RBFOX1: variants seen among roughly 807,000 people sequenced by gnomAD.
The protein encoded by RBFOX1 is RNA binding protein fox-1 homolog 1.
In RBFOX1, 8 loss-of-function variants were observed where a neutral mutation model predicts 57.7. The observed-to-expected ratio is 0.14, with a 90% CI of 0.08 to 0.25. The LOEUF (loss-of-function observed/expected upper bound fraction) is 0.25. Among genes scored for constraint, RBFOX1 ranks in the 10% least tolerant of loss-of-function variants. The pLI is 1.00. For missense variants in RBFOX1, 611 were observed against 548.5 expected (o/e 1.11, Z -1.14); for synonymous variants, 326 against 222.4 (o/e 1.47, Z -4.15).
chr16:7,487,180 G>A (rs2065634910), intron 4 of RBFOX1, among the ~76,000 whole-genome samples: 2 of 152,176 alleles, frequency 1.3e-5, no homozygotes, highest in African/African-American at 2.4e-5. Context: ...GATTACACGT[G>A]TGAGCCACTG....
chr16:6,327,368 A>C (rs2082493959), intron 2 of RBFOX1, among the ~76,000 whole-genome samples: 1 of 152,166 alleles, frequency 6.6e-6, no homozygotes, highest in Non-Finnish European at 1.5e-5. Context: ...ACTAGAGTTA[A>C]TTACTTAGCA....
chr16:6,988,731 A>ATTTTTT (rs111959126), intron 3 of RBFOX1, among the ~76,000 whole-genome samples: 2 of 91,292 alleles, frequency 2.2e-5, no homozygotes, highest in African/African-American at 1.1e-4. Flanking sequence ...CACCCAGCTA[A>ATTTTTT]TTTTTTTTTT....
intron 3 of RBFOX1, among the ~76,000 whole-genome samples, chr16:6,859,390 C>A (rs963213643): frequency 6.6e-6 from 1 of 151,402 alleles, no homozygotes; most frequent in African/African-American, 2.4e-5. Context: ...ACGCTTTTGC[C>A]CATACTTGGC....
At chr16:5,361,748 T>C (rs2065558127) in intron 1 of RBFOX1, among the ~76,000 whole-genome samples, 1 of 152,238 alleles carries the variant, frequency 6.6e-6, no homozygotes, top group African/African-American at 2.4e-5. Context: ...TGCCAAGTTG[T>C]ATTCTTGCTC....
intron 14 of RBFOX1, among the ~76,000 whole-genome samples, chr16:7,684,569 CAT>C (rs1209070165): frequency 6.6e-6 from 1 of 151,594 alleles, no homozygotes; most frequent in East Asian, 1.9e-4. Flanking sequence ...ATATGCCACA[CAT>C]ATGATAAGCT....
At chr16:6,013,525 A>G (rs972569970) in intron 4 of RBFOX1, among the ~76,000 whole-genome samples, 1 of 152,142 alleles carries the variant, frequency 6.6e-6, no homozygotes, top group Non-Finnish European at 1.5e-5. Context: ...GATGAGTCCT[A>G]GTAAACAAAA....
At chr16:7,182,828 T>A (rs1380586162) in intron 4 of RBFOX1, among the ~76,000 whole-genome samples, 5 of 152,140 alleles carry the variant, frequency 3.3e-5, no homozygotes, top group Admixed American at 3.3e-4. Context: ...ATCTCCACAT[T>A]CCTGAGTTTT....
rs774968392 is a variant in RBFOX1, at chr16:6,541,516, G to A, written c.-63-113087G>A. On this transcript the variant is annotated intron_variant, in intron 2 of 15. Coordinates refer to ENST00000550418, the MANE Select transcript of RBFOX1 (RefSeq NM_018723.4). ...GACAACAGTGTCACATCAGGGTGAC[G>A]TAGTAGTACCTGAGATAGGGCATAG... 5.3e-5 allele frequency among the ~76,000 whole-genome samples: 8 copies of A among 152,326 alleles called. 1 individual carries two copies. Among genetic ancestry groups the A allele is most frequent in the Admixed American group, 6.5e-5 (1 of 15,302 alleles).
chr16:5,393,030 G>A (rs538899529), intron 1 of RBFOX1, among the ~76,000 whole-genome samples: 14 of 152,236 alleles, frequency 9.2e-5, no homozygotes, highest in Admixed American at 7.8e-4. Flanking sequence ...TTGAGAAGAG[G>A]TGGCTAAAAG....
At chr16:7,307,192 C>G (rs1227851405) in intron 4 of RBFOX1, among the ~76,000 whole-genome samples, 1 of 152,140 alleles carries the variant, frequency 6.6e-6, no homozygotes, top group African/African-American at 2.4e-5. Context: ...TCCACAAACT[C>G]TGACCACCGG....
rs573533222 is a variant in RBFOX1, at chr16:7,450,772, A to C, written c.28-67375A>C. The stretch of plus-strand genomic sequence containing the variant: ...GAGTGGGTGTTGAGGAGGAGGAACC[A>C]GTGACCCCAGTAGACATTGAAGAGG... On this transcript the variant is annotated intron_variant, in intron 4 of 15. Coordinates refer to ENST00000550418, the MANE Select transcript of RBFOX1 (RefSeq NM_018723.4). Among the ~76,000 whole-genome samples the C allele has an allele frequency of 2.0e-5, 3 of 152,284 alleles. No individual in the cohort carries two copies. The East Asian group carries it at 5.8e-4, about 29-fold the overall frequency.
intron 2 of RBFOX1, among the ~76,000 whole-genome samples, chr16:5,487,424 C>G (rs1263342973): frequency 1.3e-5 from 2 of 152,172 alleles, no homozygotes; most frequent in East Asian, 1.9e-4. Flanking sequence ...CTTGCAGAAG[C>G]TGACAGCACG....
chr16:7,371,734 G>A (rs999199666), intron 4 of RBFOX1, among the ~76,000 whole-genome samples: 6 of 152,078 alleles, frequency 3.9e-5, no homozygotes, highest in African/African-American at 1.4e-4. Flanking sequence ...TGGGCGACAA[G>A]AGCAAAACTC....
intron 4 of RBFOX1, among the ~76,000 whole-genome samples, chr16:5,972,083 A>T (rs188228881): frequency 3.9e-5 from 6 of 152,294 alleles, no homozygotes; most frequent in African/African-American, 1.4e-4. Flanking sequence ...TCAGACTGAA[A>T]CACCACCATT....
At chr16:5,657,897 AATTTTTGT>A (rs1264452835) in intron 3 of RBFOX1, among the ~76,000 whole-genome samples, 1 of 151,508 alleles carries the variant, frequency 6.6e-6, no homozygotes, top group Non-Finnish European at 1.5e-5. Flanking sequence ...ACGCCAGGCT[AATTTTTGT>A]ATTTTTAGTA....
At chr16:6,741,158 C>G (rs1029987994) in intron 3 of RBFOX1, among the ~76,000 whole-genome samples, 1 of 152,032 alleles carries the variant, frequency 6.6e-6, no homozygotes, top group African/African-American at 2.4e-5. Context: ...GAACAATTGG[C>G]TATTTATAGG....
intron 2 of RBFOX1, among the ~76,000 whole-genome samples, chr16:6,346,622 C>T (rs540260600): frequency 6.6e-6 from 1 of 152,320 alleles, no homozygotes; most frequent in East Asian, 1.9e-4. Context: ...CGATGGCAGC[C>T]TGATTCTCGA....
chr16:6,391,951 A>G (rs1430723028), intron 2 of RBFOX1, among the ~76,000 whole-genome samples: 2 of 152,208 alleles, frequency 1.3e-5, no homozygotes, highest in Admixed American at 6.5e-5. Flanking sequence ...AGAGAAAGTC[A>G]GGGAAGATTG....
chr16:6,845,337 T>G (rs906310761), intron 3 of RBFOX1, among the ~76,000 whole-genome samples: 3 of 152,090 alleles, frequency 2.0e-5, no homozygotes, highest in African/African-American at 7.2e-5. Context: ...TCTTTAATCT[T>G]TCTTGAGTTA....
Sources: allele counts gnomAD v4.1 joint callset (sites outside exome capture counted in the v4.1 genomes callset), GRCh38; gene constraint gnomAD v4.1.1; transcripts MANE v1.5; gene names NCBI Gene and HGNC (gene_info 2026-07-23, HGNC 2026-07-21).